The following TOGARAM1 variants were observed in gnomAD, a reference collection of about 807,000 sequenced individuals.
TOGARAM1 encodes TOG array regulator of axonemal microtubules protein 1.
In TOGARAM1, 100 loss-of-function variants were observed where a neutral mutation model predicts 166.6. The ratio of observed to expected loss-of-function variants is 0.60; its 90% CI spans 0.51 to 0.71. TOGARAM1 has a LOEUF of 0.71. TOGARAM1 is among the 30% of genes least tolerant of loss of function. The pLI is 0.00. For missense variants in TOGARAM1, 2,029 were observed against 2,102.7 expected (o/e 0.96, Z 0.69); for synonymous variants, 758 against 763.8 (o/e 0.99, Z 0.13).
intron 1 of TOGARAM1, among the ~76,000 whole-genome samples, chr14:44,981,841 CTTTTTTT>C (rs56409455): frequency 5.4e-4 from 43 of 80,290 alleles, no homozygotes; most frequent in African/African-American, 1.9e-3. Context: ...TTTTCACTTA[CTTTTTTT>C]TTTTTTTTTT....
At chr14:45,069,180 C>G (rs573444524) in intron 18 of TOGARAM1, among the ~76,000 whole-genome samples, 4 of 152,074 alleles carry the variant, frequency 2.6e-5, no homozygotes, top group Admixed American at 6.5e-5. Context: ...ACCATCCTGG[C>G]TAATATAGTG....
At chr14:45,011,646 A>AT (rs537395857) in intron 6 of TOGARAM1, among the ~76,000 whole-genome samples, 24 of 144,908 alleles carry the variant, frequency 1.7e-4, no homozygotes, top group South Asian at 1.1e-3. Context: ...TTCTTGGATC[A>AT]TTTTTTTTTT....
At position 44,963,178 on chromosome 14, in the gene TOGARAM1, C is replaced by G; in HGVS notation, c.757C>G (p.Leu253Val). ...TTEDLLLGLD[L>V]TEVIISLARK... is the part of the protein sequence containing the mutation. ...TGAGGACTTGTTGCTTGGTCTGGAT[C>G]TCACCGAGGTGATAATATCCCTAGC... The change falls in exon 1 of 20, where the codon CTC becomes GTC. Residue 253 changes from leucine (L) to valine (V), a missense_variant. Coordinates refer to ENST00000361462, the MANE Select transcript of TOGARAM1 (RefSeq NM_001308120.2). 1 of 1,614,202 alleles carries G rather than the reference C, an allele frequency of 6.2e-7. No homozygotes were observed. Among genetic ancestry groups the G allele is most frequent in the Non-Finnish European group, 8.5e-7 (1 of 1,180,048 alleles).
rs776506538 is a variant in TOGARAM1 at position 44,964,488 on chromosome 14, T to G, written c.2046+21T>G. The G allele has an allele frequency of 2.6e-6, 4 of 1,520,578 alleles. No homozygotes were observed. The East Asian group carries it at 9.1e-5, about 35-fold the overall frequency. The allele number at this position is 1,520,578 out of a possible 1,614,324, so 94.2% of individuals were successfully genotyped here. ...AGCAGGTATGCTTCTCTAATTTTCT[T>G]GAGTCGAAAGTGTGAAGAATTTAAA... On this transcript the variant is annotated intron_variant, in intron 1 of 19. Coordinates refer to ENST00000361462, the MANE Select transcript of TOGARAM1 (RefSeq NM_001308120.2).
At chr14:45,012,789 A>C (rs373516157) in intron 7 of TOGARAM1, among the ~76,000 whole-genome samples, 6 of 152,154 alleles carry the variant, frequency 3.9e-5, no homozygotes, top group Non-Finnish European at 1.5e-5. Context: ...AAAACTGTAT[A>C]TGTATTTGAT....
intron 1 of TOGARAM1, among the ~76,000 whole-genome samples, chr14:44,974,275 T>C (rs1053250148): frequency 6.6e-6 from 1 of 152,052 alleles, no homozygotes; most frequent in Non-Finnish European, 1.5e-5. Flanking sequence ...TCCCCAGCTA[T>C]GTCCAGTTTA....
intron 16 of TOGARAM1, among the ~76,000 whole-genome samples, chr14:45,056,676 T>C (rs1882652947): frequency 6.6e-6 from 1 of 152,204 alleles, no homozygotes; most frequent in Non-Finnish European, 1.5e-5. Context: ...TTTTTTTAAT[T>C]CCGTGTGTTA....
At chr14:45,044,238 G>C (rs1881867265) in intron 12 of TOGARAM1, among the ~76,000 whole-genome samples, 2 of 152,092 alleles carry the variant, frequency 1.3e-5, no homozygotes, top group Admixed American at 1.3e-4. Context: ...TTGAACTCCT[G>C]ACCTCAGGTG....
At chr14:45,067,030 A>G (rs954968963) in intron 17 of TOGARAM1, among the ~76,000 whole-genome samples, 1 of 152,340 alleles carries the variant, frequency 6.6e-6, no homozygotes, top group East Asian at 1.9e-4. Context: ...CTCTATATCT[A>G]TATACAAATT....
chr14:45,045,575 ATATATATATGTGTGTGTGTGTG>A (rs1262191281), intron 13 of TOGARAM1, among the ~76,000 whole-genome samples: 7 of 41,510 alleles, frequency 1.7e-4, no homozygotes, highest in African/African-American at 6.4e-4. Flanking sequence ...ATATATATAT[ATATATATATGTGTGTGTGTGTG>A]TGTGTGTGTG....
intron 3 of TOGARAM1, among the ~76,000 whole-genome samples, chr14:45,001,852 A>T (rs577132764): frequency 6.6e-6 from 1 of 152,238 alleles, no homozygotes; most frequent in Non-Finnish European, 1.5e-5. Flanking sequence ...AAGACATAAG[A>T]TACAGAAGAG....
At chr14:45,021,203 C>T (rs1368857615) in intron 7 of TOGARAM1, among the ~76,000 whole-genome samples, 3 of 152,168 alleles carry the variant, frequency 2.0e-5, no homozygotes, top group Non-Finnish European at 4.4e-5. Context: ...GGCTCCAAGT[C>T]CTCCCGGACA....
intron 3 of TOGARAM1, 150 bp from the exon 4 acceptor site, chr14:45,003,911 C>T: frequency 1.9e-6 from 1 of 538,574 alleles, no homozygotes; most frequent in Non-Finnish European, 3.1e-6. Flanking sequence ...TTGAATAACA[C>T]AAATTAAATT....
chr14:45,049,579 G>A (rs2138967162), intron 14 of TOGARAM1, among the ~76,000 whole-genome samples: 1 of 152,132 alleles, frequency 6.6e-6, no homozygotes, highest in East Asian at 1.9e-4. Context: ...CTTCTTTTAA[G>A]CGCTCGTTTG....
At chr14:45,019,148 T>C (rs576080349) in intron 7 of TOGARAM1, among the ~76,000 whole-genome samples, 4 of 152,340 alleles carry the variant, frequency 2.6e-5, no homozygotes, top group African/African-American at 9.6e-5. Context: ...TTCCCAGTTA[T>C]GGAGGCTTAA....
Position 45,066,513 on chromosome 14 carries a change from T to C in TOGARAM1, c.4560-65T>C. On this transcript the variant is annotated intron_variant, in intron 16 of 19. Transcript: ENST00000361462. ...AATGCATAATGAGATTTTTAAATTA[T>C]GTTTGTATAATAGTTTTTATAGGAA... 2.2e-6 allele frequency: 3 copies of C among 1,375,030 alleles called. No homozygotes were observed. In the East Asian group the frequency reaches 7.1e-5, roughly 33 times the overall value. The allele number at this position is 1,375,030 out of a possible 1,614,324, so 85.2% of individuals were successfully genotyped here.
chr14:45,023,173 A>G (rs1368538341), intron 7 of TOGARAM1, among the ~76,000 whole-genome samples: 1 of 152,186 alleles, frequency 6.6e-6, no homozygotes, highest in Non-Finnish European at 1.5e-5. Flanking sequence ...TTCCATCAGT[A>G]TACAAGTTGA....
At chr14:44,975,927 A>T (rs1319807802) in intron 1 of TOGARAM1, among the ~76,000 whole-genome samples, 7 of 151,934 alleles carry the variant, frequency 4.6e-5, no homozygotes, top group Non-Finnish European at 1.0e-4. Flanking sequence ...GCCATGATTT[A>T]TAAAATCTTC....
intron 1 of TOGARAM1, among the ~76,000 whole-genome samples, chr14:44,972,155 A>G (rs2138727975): frequency 6.6e-6 from 1 of 152,314 alleles, no homozygotes; most frequent in African/African-American, 2.4e-5. Flanking sequence ...ATTGAGGATT[A>G]CAATTTGAAA....
Sources: allele counts gnomAD v4.1 joint callset (sites outside exome capture counted in the v4.1 genomes callset), GRCh38; gene constraint gnomAD v4.1.1; transcripts MANE v1.5; gene names NCBI Gene and HGNC (gene_info 2026-07-23, HGNC 2026-07-21).